The following UNC5B variants were observed in gnomAD, a reference collection of about 807,000 sequenced individuals.
UNC5B encodes the protein unc-5 netrin receptor B.
UNC5B carries 56 observed loss-of-function variants against 103.7 expected under a neutral mutation model. The observed-to-expected ratio is 0.54, with a 90% CI of 0.44 to 0.67. The LOEUF is 0.67. Among genes scored for constraint, UNC5B ranks in the 30% least tolerant of loss-of-function variants. The probability of loss-of-function intolerance (pLI) is 0.00; values close to 1 mark genes in which losing one functional copy is unlikely to be tolerated. For synonymous variants in UNC5B, 577 were observed against 542.0 expected (o/e 1.06, Z -0.90); for missense variants, 1,194 against 1,284.5 (o/e 0.93, Z 1.08).
At chr10:71,238,158 G>T (rs1013933332) in intron 1 of UNC5B, among the ~76,000 whole-genome samples, 3 of 152,186 alleles carry the variant, frequency 2.0e-5, no homozygotes, top group African/African-American at 7.2e-5. Context: ...CCCCTGCCCT[G>T]GGTGGAAAGC....
In UNC5B at chr10:71,295,841, G is replaced by A. The variant is rs757863448; in HGVS notation, c.2206G>A (p.Gly736Arg). 15 of 1,612,670 alleles carry A rather than the reference G, an allele frequency of 9.3e-6. No homozygotes were observed. The highest frequency in any genetic ancestry group is 2.2e-5 in the East Asian group (1 of 44,878). Residue 736 changes from glycine to arginine, a missense_variant, in exon 14 of 17, where the codon GGA becomes AGA. By Grantham distance (125) the Gly-to-Arg change is moderately radical (BLOSUM62 -2). Coordinates refer to ENST00000335350, the MANE Select transcript of UNC5B (RefSeq NM_170744.5). ...EVLELERTLG[G>R]YLVEEPKPLM... Reference sequence around the variant, plus strand: ...GCTGGAGCTGGAGCGGACTCTGGGCGGATACTTGGTGGAGGAGCCGAAACC... The same window carrying A: ...GCTGGAGCTGGAGCGGACTCTGGGCAGATACTTGGTGGAGGAGCCGAAACC...
chr10:71,240,264 C>T (rs12781911), intron 1 of UNC5B, among the ~76,000 whole-genome samples: 32,472 of 152,264 alleles, frequency 0.21, 3,918 homozygotes, highest in Non-Finnish European at 0.29. Context: ...TGTTGGTGTC[C>T]GGCCCAAATC....
At chr10:71,226,983 C>CTTT (rs34048995) in intron 1 of UNC5B, among the ~76,000 whole-genome samples, 60 of 142,710 alleles carry the variant, frequency 4.2e-4, no homozygotes, top group South Asian at 2.2e-3. Context: ...GACCATTCTT[C>CTTT]TTTTTTTTTT....
intron 1 of UNC5B, among the ~76,000 whole-genome samples, chr10:71,221,058 C>T (rs574539630): frequency 7.2e-5 from 11 of 152,276 alleles, no homozygotes; most frequent in Admixed American, 3.3e-4. Flanking sequence ...CAGAGGTAGC[C>T]GAGGTCCAGA....
intron 1 of UNC5B, among the ~76,000 whole-genome samples, chr10:71,264,810 G>C (rs1311077035): frequency 6.6e-6 from 1 of 152,044 alleles, no homozygotes; most frequent in Non-Finnish European, 1.5e-5. Context: ...TGCAGGCCAT[G>C]GTTTGAGTAC....
intron 1 of UNC5B, among the ~76,000 whole-genome samples, chr10:71,245,511 C>A (rs547201111): frequency 6.6e-6 from 1 of 152,246 alleles, no homozygotes. Context: ...TCTGAACTGT[C>A]CTTCTGGGTG....
At chr10:71,217,138 C>T (rs1388106056) in intron 1 of UNC5B, 1 of 152,728 alleles carries the variant, frequency 6.5e-6, no homozygotes, top group Non-Finnish European at 1.5e-5. Flanking sequence ...GCGTCCTCCT[C>T]CTTCTCCTCC....
At chr10:71,237,304 C>G (rs1230715183) in intron 1 of UNC5B, among the ~76,000 whole-genome samples, 1 of 152,218 alleles carries the variant, frequency 6.6e-6, no homozygotes, top group African/African-American at 2.4e-5. Context: ...TGTTCCTGGA[C>G]AGTTTAGCCC....
At chr10:71,249,858 A>G (rs1367348899) in intron 1 of UNC5B, among the ~76,000 whole-genome samples, 1 of 152,218 alleles carries the variant, frequency 6.6e-6, no homozygotes, top group Non-Finnish European at 1.5e-5. Context: ...CACGTATCCC[A>G]GTGCCATGAG....
chr10:71,216,199 C>T (rs1206140181), intron 1 of UNC5B, among the ~76,000 whole-genome samples: 3 of 152,318 alleles, frequency 2.0e-5, no homozygotes, highest in East Asian at 3.9e-4. Context: ...CAATCTAGTG[C>T]TTCTAGCTCC....
At chr10:71,278,643 A>G (rs11595760) in intron 1 of UNC5B, among the ~76,000 whole-genome samples, 141,850 of 152,308 alleles carry the variant, frequency 0.93, 66,092 homozygotes, top group Middle Eastern at 0.98. Context: ...GACTCCCTAG[A>G]GCCAGATGTG....
At chr10:71,294,085 C>A in intron 13 of UNC5B, 152 bp downstream of exon 13, 1 of 715,308 alleles carries the variant, frequency 1.4e-6, no homozygotes, top group Non-Finnish European at 2.3e-6. Flanking sequence ...CACACTGAAA[C>A]AGCCTTGGGC....
At chr10:71,218,899 C>A (rs1194225347) in intron 1 of UNC5B, among the ~76,000 whole-genome samples, 1 of 152,126 alleles carries the variant, frequency 6.6e-6, no homozygotes, top group East Asian at 1.9e-4. Flanking sequence ...GTGGCTGGGG[C>A]CTGGGACTCT....
rs1044550795 is a variant in UNC5B at position 71,213,128 on chromosome 10, A to G, written c.79+64A>G. On this transcript the variant is annotated intron_variant, in intron 1 of 16. Transcript: ENST00000335350. The surrounding 1 kb of genome is among the most constrained non-coding windows in gnomAD (Gnocchi z 4.1). ...ACCCTTGCGCCTCACTCTGTCCTGA[A>G]GTTGAGGTGGTCTTTCGTCGCATCG... The G allele has an allele frequency of 1.9e-5, 22 of 1,184,616 alleles. No homozygotes were observed. The highest frequency in any genetic ancestry group is 2.2e-5 in the Non-Finnish European group (21 of 937,058). The allele number at this position is 1,184,616 out of a possible 1,614,324, so 73.4% of individuals were successfully genotyped here.
intron 1 of UNC5B, among the ~76,000 whole-genome samples, chr10:71,237,524 T>A (rs1020074467): frequency 3.4e-5 from 5 of 146,262 alleles, no homozygotes; most frequent in African/African-American, 1.2e-4. Flanking sequence ...AGTTCTCTCA[T>A]CTGTAAAGTG....
intron 1 of UNC5B, among the ~76,000 whole-genome samples, chr10:71,263,842 G>T (rs10823713): frequency 0.7 from 106,300 of 151,908 alleles, 39,627 homozygotes; most frequent in Non-Finnish European, 0.83. Context: ...GCCCAGTAAG[G>T]TACCAGGGGA....
rs1455223933 is a variant in UNC5B, at chr10:71,299,965, A to C, written c.*688A>C. ...GAAAAACAACACAAAAAAAATAGAA[A>C]ACTCTTTTCTTGAGTGTGGATGAGA... On this transcript the variant is annotated 3_prime_UTR_variant, in exon 17 of 17. Coordinates refer to ENST00000335350, the MANE Select transcript of UNC5B (RefSeq NM_170744.5). The C allele has an allele frequency of 6.6e-6, 1 of 152,110 alleles. No individual in the cohort carries two copies. The highest frequency in any genetic ancestry group is 1.9e-4 in the East Asian group (1 of 5,190). 9.4% of individuals were successfully genotyped at this position (152,110 alleles called of 1,614,324 possible).
At chr10:71,248,310 C>T (rs1356042437) in intron 1 of UNC5B, among the ~76,000 whole-genome samples, 1 of 152,106 alleles carries the variant, frequency 6.6e-6, no homozygotes, top group Non-Finnish European at 1.5e-5. Context: ...GCAGGGACGC[C>T]CTGGGAGCCT....
intron 14 of UNC5B, among the ~76,000 whole-genome samples, 181 bp from the exon 15 acceptor site, chr10:71,296,396 CT>C (rs1006369747): frequency 3.9e-5 from 6 of 152,214 alleles, no homozygotes; most frequent in African/African-American, 1.4e-4. Flanking sequence ...CCTCAGCTCC[CT>C]TCTGGAACTG....
Sources: gnomAD v4.1 joint callset for allele counts (sites outside exome capture counted in the v4.1 genomes callset) on GRCh38, gnomAD v4.1.1 for gene constraint, Gnocchi (gnomAD v3.1) non-coding constraint, MANE v1.5 for transcripts, NCBI Gene and HGNC (gene_info 2026-07-23, HGNC 2026-07-21) for gene names.